Variants in LRPPRC observed in about 807,000 individuals in gnomAD.
LRPPRC encodes the protein leucine-rich PPR motif-containing protein, mitochondrial.
In LRPPRC, 120 loss-of-function variants were observed where a neutral mutation model predicts 180.3. The observed-to-expected ratio is 0.67, with a 90% confidence interval of 0.57 to 0.77. The LOEUF (loss-of-function observed/expected upper bound fraction) is 0.77. LRPPRC is among the 30% of genes least tolerant of loss of function. The pLI is 0.00. For synonymous variants in LRPPRC, 723 were observed against 600.0 expected, an observed-to-expected ratio of 1.21 and a Z score of -3.00; for missense variants, 2,012 against 1,657.2, an observed-to-expected ratio of 1.21 and a Z score of -3.72.
chr2:43,943,830 C>T lies in LRPPRC; in HGVS notation c.2361G>A (p.Leu787=). The T allele has an allele frequency of 6.2e-7, 1 of 1,613,362 alleles. No homozygotes were observed. The highest frequency in any genetic ancestry group is 2.2e-5 in the East Asian group (1 of 44,846). Residue 787 remains leucine (L), a synonymous_variant, in exon 23 of 38, where the codon TTG becomes TTA. Coordinates refer to ENST00000260665, the MANE Select transcript of LRPPRC (RefSeq NM_133259.4). ...CGCCATTTAGCATGTGGAAAAAGGA[C>T]AAGGCTGTTGTATCTTTGATAAGAA... ...KDVLIKDTTA[L]SFFHMLNGAA... is the part of the protein sequence containing the mutation.
chr2:43,952,084 T>A (rs1327597383), intron 14 of LRPPRC, among the ~76,000 whole-genome samples: 1 of 151,812 alleles, frequency 6.6e-6, no homozygotes, highest in Non-Finnish European at 1.5e-5. Context: ...TCCCAGCTAC[T>A]CAGGAGGCTG....
Position 43,950,486 on chromosome 2 carries a change from T to G in LRPPRC, c.1677+87A>C, listed in dbSNP as rs185463357. ...ATTTTAGTAGAAAACCAAATATAGG[T>G]TTCATGATAAAAATTATTACATAAC... On this transcript the variant is annotated intron_variant, in intron 15 of 37. Coordinates refer to ENST00000260665, the MANE Select transcript of LRPPRC (RefSeq NM_133259.4). 2.2e-5 allele frequency: 26 copies of G among 1,203,734 alleles called. No individual in the cohort carries two copies. The East Asian group carries it at 2.3e-4, about 11-fold the overall frequency. The allele number at this position is 1,203,734 out of a possible 1,614,324, so 74.6% of individuals were successfully genotyped here. A position where few individuals can be genotyped will look rare whatever the true frequency, so the allele number is the denominator to read the frequency against.
At position 43,995,027 on chromosome 2, in the gene LRPPRC, A is replaced by G. The variant is rs143590031; in HGVS notation, c.149+772T>C. 6.0e-3 allele frequency among the ~76,000 whole-genome samples: 914 copies of G among 152,240 alleles called. 9 individuals carry two copies. Among genetic ancestry groups the G allele is most frequent in the African/African-American group, 0.021 (870 of 41,534 alleles). Reference sequence around the variant, plus strand: ...AGGCCGAGGCAGGAGGATCGCTTGAAGTCAGGAGTTCGAGACTAGCGTGGC... The same window carrying G: ...AGGCCGAGGCAGGAGGATCGCTTGAGGTCAGGAGTTCGAGACTAGCGTGGC... On this transcript the variant is annotated intron_variant, in intron 1 of 37. Coordinates refer to ENST00000260665, the MANE Select transcript of LRPPRC (RefSeq NM_133259.4).
chr2:43,995,554 TG>T (rs1354783454), intron 1 of LRPPRC, among the ~76,000 whole-genome samples: 3 of 152,178 alleles, frequency 2.0e-5, no homozygotes, highest in Non-Finnish European at 4.4e-5. Flanking sequence ...AGGTCCAGGC[TG>T]AAGTGGCGGG....
At chr2:43,893,389 T>C (rs1246216529) in intron 36 of LRPPRC, among the ~76,000 whole-genome samples, 1 of 152,228 alleles carries the variant, frequency 6.6e-6, no homozygotes, top group Non-Finnish European at 1.5e-5. Context: ...AAAGGAAAAG[T>C]CAGCTGATGT....
At chr2:43,958,379 T>A (rs1280424350) in intron 13 of LRPPRC, among the ~76,000 whole-genome samples, 1 of 152,176 alleles carries the variant, frequency 6.6e-6, no homozygotes, top group Non-Finnish European at 1.5e-5. Flanking sequence ...AAGGTTAAGG[T>A]ACCTGGTTTC....
chr2:43,894,402 T>G, intron 36 of LRPPRC, 143 bp downstream of exon 36: 2 of 596,292 alleles, frequency 3.4e-6, no homozygotes, highest in Non-Finnish European at 6.1e-6. Context: ...ATTTATATCA[T>G]AATTATCTGA....
At chr2:43,995,730 T>C (rs1406279530) in intron 1 of LRPPRC, 69 bp downstream of exon 1, 6 of 1,320,620 alleles carry the variant, frequency 4.5e-6, no homozygotes, top group Non-Finnish European at 5.8e-6. Context: ...ACCCGGTCCC[T>C]GCCGGCACCC....
intron 29 of LRPPRC, 73 bp downstream of exon 29, chr2:43,917,952 G>A: frequency 9.6e-7 from 1 of 1,038,018 alleles, no homozygotes; most frequent in Non-Finnish European, 1.5e-6. Flanking sequence ...TAATTGGTTG[G>A]GCTTACACCC....
intron 25 of LRPPRC, among the ~76,000 whole-genome samples, chr2:43,931,144 G>A (rs1558960364): frequency 6.6e-6 from 1 of 152,130 alleles, no homozygotes. Flanking sequence ...AGCCCTTTGA[G>A]TAGTTCTGCA....
intron 27 of LRPPRC, among the ~76,000 whole-genome samples, chr2:43,922,799 T>C (rs977048432): frequency 4.6e-5 from 7 of 152,146 alleles, no homozygotes; most frequent in African/African-American, 1.2e-4. Context: ...AATATTTAAA[T>C]AGTGGCCCAA....
intron 34 of LRPPRC, among the ~76,000 whole-genome samples, chr2:43,898,754 T>A (rs978314122): frequency 3.3e-5 from 5 of 152,224 alleles, no homozygotes; most frequent in African/African-American, 1.2e-4. Context: ...GCACTGAGAA[T>A]GTTTGAGTAT....
In LRPPRC at chr2:43,934,296, G is replaced by A. The variant is rs1221295826; in HGVS notation, c.2630C>T (p.Ala877Val). The A allele has an allele frequency of 1.3e-6, 2 of 1,508,596 alleles. No homozygotes were observed. Among genetic ancestry groups the A allele is most frequent in the Non-Finnish European group, 1.8e-6 (2 of 1,085,264 alleles). The allele number at this position is 1,508,596 out of a possible 1,614,324, so 93.5% of individuals were successfully genotyped here. The change falls in exon 25 of 38, where the codon GCA becomes GTA. Residue 877 changes from alanine to valine, a missense_variant and splice_region_variant. By Grantham distance (64) the Ala-to-Val change is moderately conservative. Coordinates refer to ENST00000260665, the MANE Select transcript of LRPPRC (RefSeq NM_133259.4). ...TTGTTCTTGGCTCACAAAGTCCATT[G>A]CTAGGTAGGAGAGAAAAAAATATAT... ...EKGETDLIQK[A>V]MDFVSQEQGE...
intron 30 of LRPPRC, among the ~76,000 whole-genome samples, chr2:43,909,368 C>G (rs17424442): frequency 6.8e-6 from 1 of 147,166 alleles, no homozygotes; most frequent in African/African-American, 2.5e-5. Context: ...GTGGATAACA[C>G]AGCTAAAAGA....
At position 43,918,010 on chromosome 2, in the gene LRPPRC, C is replaced by A. The variant is rs1265141801; in HGVS notation, c.3148+15G>T. 1.3e-6 allele frequency: 2 copies of A among 1,571,598 alleles called. No individual in the cohort carries two copies. Among genetic ancestry groups the A allele is most frequent in the African/African-American group, 2.7e-5 (2 of 73,840 alleles). ...CCACCCCCCCACACACACCCCCATCCCCGTATGTGCTTGCCTTTTTTTTGG... is the reference window on the plus strand; with the variant it reads ...CCACCCCCCCACACACACCCCCATCACCGTATGTGCTTGCCTTTTTTTTGG... On this transcript the variant is annotated intron_variant, in intron 29 of 37. Transcript: ENST00000260665.
In LRPPRC at chr2:43,948,501, G is replaced by A. The variant is rs925345080; in HGVS notation, c.1753C>T (p.Leu585Phe). ...CTCATGCTGTCAATCAAGTTATAAA[G>A]AAAATAGCCAACAGCTTCTGTGGAA... ...RGPTEAVGYF[L>F]YNLIDSMSDS... The change falls in exon 17 of 38, where the codon CTT (leucine) becomes TTT (phenylalanine). Residue 585 changes from leucine (L) to phenylalanine (F), a missense_variant. Transcript: ENST00000260665. 19 of 1,594,244 alleles carry A rather than the reference G, an allele frequency of 1.2e-5. No individual in the cohort carries two copies. Among genetic ancestry groups the A allele is most frequent in the Admixed American group, 8.3e-5 (5 of 59,970 alleles).
chr2:43,926,513 G>C (rs534038470), intron 25 of LRPPRC, among the ~76,000 whole-genome samples: 51 of 152,170 alleles, frequency 3.4e-4, no homozygotes, highest in African/African-American at 1.1e-3. Flanking sequence ...GATTACAGGT[G>C]TGTGCCACCA....
chr2:43,962,927 G>A, intron 12 of LRPPRC, among the ~76,000 whole-genome samples: 1 of 152,116 alleles, frequency 6.6e-6, no homozygotes. Flanking sequence ...ATAACATACT[G>A]AAACTCCTGT....
chr2:43,990,353 C>G (rs746116808), intron 1 of LRPPRC, among the ~76,000 whole-genome samples: 1 of 152,192 alleles, frequency 6.6e-6, no homozygotes, highest in Non-Finnish European at 1.5e-5. Flanking sequence ...CGGATCTTTT[C>G]GTCAGTTCTT....
Sources: gnomAD v4.1 joint callset for allele counts (sites outside exome capture counted in the v4.1 genomes callset) on GRCh38, gnomAD v4.1.1 for gene constraint, MANE v1.5 for transcripts, NCBI Gene and HGNC (gene_info 2026-07-23, HGNC 2026-07-21) for gene names.